ANO6: variants seen among roughly 807,000 people sequenced by gnomAD.
ANO6 encodes anoctamin 6.
In ANO6, 106 loss-of-function variants were observed where a neutral mutation model predicts 117.5. That is an observed-to-expected ratio of 0.90 (90% CI 0.77 to 1.06). The LOEUF (loss-of-function observed/expected upper bound fraction) is 1.06, where lower values mean the gene tolerates loss of function less well. Among genes scored for constraint, ANO6 ranks in the 50% least tolerant of loss-of-function variants. The probability of loss-of-function intolerance (pLI) is 0.00; values close to 1 mark genes in which losing one functional copy is unlikely to be tolerated. For missense variants in ANO6, 955 were observed against 1,121.1 expected, an observed-to-expected ratio of 0.85 and a Z score of 2.12; for synonymous variants, 367 against 385.1, an observed-to-expected ratio of 0.95 and a Z score of 0.55.
chr12:45,428,371 G>C (rs1326778931), intron 19 of ANO6, among the ~76,000 whole-genome samples: 1 of 152,144 alleles, frequency 6.6e-6, no homozygotes, highest in Non-Finnish European at 1.5e-5. Flanking sequence ...CTAGCGCTTT[G>C]GAAGGCCAAG....
intron 1 of ANO6, among the ~76,000 whole-genome samples, chr12:45,224,213 G>T (rs77111897): frequency 0.014 from 2,198 of 152,204 alleles, 44 homozygotes; most frequent in East Asian, 0.068. Context: ...GCTCTATTGG[G>T]GCAGCACCTG....
intron 7 of ANO6, among the ~76,000 whole-genome samples, chr12:45,352,042 C>G (rs896873469): frequency 6.6e-6 from 1 of 151,792 alleles, no homozygotes; most frequent in Admixed American, 6.6e-5. Context: ...TGGAGAGTGA[C>G]GAGGAGAGGA....
chr12:45,260,967 T>G (rs1938010629), intron 1 of ANO6, among the ~76,000 whole-genome samples: 1 of 151,586 alleles, frequency 6.6e-6, no homozygotes, highest in African/African-American at 2.4e-5. Context: ...TTTTTGTTTG[T>G]TTGTTTGTTT....
intron 17 of ANO6, among the ~76,000 whole-genome samples, chr12:45,418,330 C>G (rs1206434884): frequency 6.6e-6 from 1 of 152,176 alleles, no homozygotes; most frequent in African/African-American, 2.4e-5. Context: ...ACACAAAAAC[C>G]AACTACTGGG....
At chr12:45,428,159 G>A in intron 19 of ANO6, among the ~76,000 whole-genome samples, 1 of 152,060 alleles carries the variant, frequency 6.6e-6, no homozygotes, top group East Asian at 1.9e-4. Flanking sequence ...GCACAATAAT[G>A]TTCACAACAG....
intron 2 of ANO6, among the ~76,000 whole-genome samples, chr12:45,317,113 G>GTGTGTATATATATATATATATA: frequency 4.5e-5 from 3 of 66,488 alleles, no homozygotes; most frequent in South Asian, 5.8e-4. Context: ...CTTTTTATAT[G>GTGTGTATATATATATATATATA]TATATATATA....
At chr12:45,388,566 T>C (rs1942362595) in intron 11 of ANO6, among the ~76,000 whole-genome samples, 2 of 152,116 alleles carry the variant, frequency 1.3e-5, no homozygotes, top group African/African-American at 4.8e-5. Flanking sequence ...GGCCCCTTCT[T>C]TCATAAAAAC....
intron 6 of ANO6, 31 bp downstream of exon 6, chr12:45,348,662 G>C (rs780462766): frequency 1.3e-6 from 2 of 1,519,562 alleles, no homozygotes; most frequent in Non-Finnish European, 1.8e-6. Flanking sequence ...GAACTAAAAG[G>C]CCTTCTGTAT....
At chr12:45,217,741 CT>C (rs1226726773) in intron 1 of ANO6, among the ~76,000 whole-genome samples, 2 of 152,186 alleles carry the variant, frequency 1.3e-5, no homozygotes, top group Non-Finnish European at 2.9e-5. Context: ...GCTGTTACTA[CT>C]GTTTAGCAAG....
intron 1 of ANO6, among the ~76,000 whole-genome samples, chr12:45,292,130 A>G (rs555490379): frequency 1.3e-5 from 2 of 152,252 alleles, no homozygotes; most frequent in Non-Finnish European, 2.9e-5. Flanking sequence ...TTATTCTGTC[A>G]TAGAAAGGAA....
chr12:45,421,406 G>A, intron 18 of ANO6, 133 bp downstream of exon 18: 1 of 954,210 alleles, frequency 1.0e-6, no homozygotes. Context: ...GTGCTTTGGT[G>A]TCATTTAAAT....
chr12:45,232,005 T>C (rs912016544), intron 1 of ANO6, among the ~76,000 whole-genome samples: 3 of 152,176 alleles, frequency 2.0e-5, no homozygotes, highest in Non-Finnish European at 2.9e-5. Context: ...TGACTGGAAT[T>C]TGGTAGCAAT....
At chr12:45,322,868 A>G (rs1001521033) in intron 2 of ANO6, among the ~76,000 whole-genome samples, 3 of 152,202 alleles carry the variant, frequency 2.0e-5, no homozygotes, top group African/African-American at 7.2e-5. Flanking sequence ...ATGGTCCCAC[A>G]TATGACTTTA....
chr12:45,352,023 G>A (rs1455660110), intron 7 of ANO6, among the ~76,000 whole-genome samples: 1 of 151,978 alleles, frequency 6.6e-6, no homozygotes, highest in Non-Finnish European at 1.5e-5. Flanking sequence ...CTTGTTTATG[G>A]ATTGGATGTG....
intron 1 of ANO6, among the ~76,000 whole-genome samples, chr12:45,252,668 A>G (rs1159507945): frequency 6.6e-6 from 1 of 152,218 alleles, no homozygotes; most frequent in East Asian, 1.9e-4. Context: ...TTGTTGGAGC[A>G]GAGCACCCTT....
intron 1 of ANO6, among the ~76,000 whole-genome samples, chr12:45,281,331 A>G (rs910450513): frequency 7.2e-5 from 11 of 152,092 alleles, no homozygotes; most frequent in African/African-American, 2.7e-4. Context: ...ATTTTTTCCC[A>G]TGTTATTCCA....
At position 45,416,887 on chromosome 12, in the gene ANO6, C is replaced by A; in HGVS notation, c.2200C>A (p.Leu734Met). 6.2e-7 allele frequency: 1 copy of A among 1,614,144 alleles called. No homozygotes were observed. Residue 734 changes from leucine (L) to methionine (M), a missense_variant, in exon 17 of 20, where the codon CTG (leucine) becomes ATG (methionine). Coordinates refer to ENST00000320560, the MANE Select transcript of ANO6 (RefSeq NM_001025356.3). ...GCCCATCATGCAAGGAATAGCAATT[C>A]TGGCTGTGGTGACCAATGTGAGTAG... ...WQPIMQGIAI[L>M]AVVTNAMIIA...
Position 45,331,361 on chromosome 12 carries a change from C to G in ANO6, c.217C>G (p.Leu73Val). Residue 73 changes from leucine to valine, a missense_variant, in exon 3 of 20, where the codon CTA becomes GTA. Physicochemically the swap from Leu to Val is conservative, Grantham distance 32. Coordinates refer to ENST00000320560, the MANE Select transcript of ANO6 (RefSeq NM_001025356.3). ...NDGQRRIDFV[L>V]VYEDESRKET... ...TGGCCAGCGAAGAATTGACTTTGTT[C>G]TAGTATATGAGGATGAAAGCAGAAA... The G allele has an allele frequency of 6.2e-7, 1 of 1,609,176 alleles. No individual in the cohort carries two copies. Among genetic ancestry groups the G allele is most frequent in the East Asian group, 2.2e-5 (1 of 44,668 alleles).
intron 1 of ANO6, among the ~76,000 whole-genome samples, chr12:45,254,894 C>T (rs1034993299): frequency 2.6e-5 from 4 of 152,130 alleles, no homozygotes; most frequent in Non-Finnish European, 4.4e-5. Context: ...TTATTTGACT[C>T]TCAAAACATG....
Sources: allele counts gnomAD v4.1 joint callset (sites outside exome capture counted in the v4.1 genomes callset), GRCh38; gene constraint gnomAD v4.1.1; transcripts MANE v1.5; gene names NCBI Gene and HGNC (gene_info 2026-07-23, HGNC 2026-07-21).